DNAL4: variants seen among roughly 807,000 people sequenced by gnomAD.
The protein encoded by DNAL4 is dynein light chain, outer arm 4.
DNAL4 carries 10 observed loss-of-function variants against 12.6 expected under a neutral mutation model. The observed-to-expected ratio is 0.79, with a 90% CI of 0.49 to 1.34. The LOEUF (loss-of-function observed/expected upper bound fraction) is 1.34. DNAL4 is among the 40% of genes most tolerant of loss of function. The pLI is 0.00. For missense variants in DNAL4, 128 were observed against 138.1 expected, an observed-to-expected ratio of 0.93 and a Z score of 0.37; for synonymous variants, 46 against 53.1, an observed-to-expected ratio of 0.87 and a Z score of 0.58.
At chr22:38,789,422 T>C (rs1286848861) in intron 1 of DNAL4, among the ~76,000 whole-genome samples, 1 of 152,162 alleles carries the variant, frequency 6.6e-6, no homozygotes, top group Non-Finnish European at 1.5e-5. Context: ...ACTACAGGCT[T>C]GTGCCACCAT....
At chr22:38,787,113 C>G (rs935164155) in intron 1 of DNAL4, among the ~76,000 whole-genome samples, 1 of 152,194 alleles carries the variant, frequency 6.6e-6, no homozygotes, top group Non-Finnish European at 1.5e-5. Context: ...CAGGACACAC[C>G]TGGAGCATGT....
At chr22:38,781,403 T>C (rs773058810) in intron 2 of DNAL4, among the ~76,000 whole-genome samples, 3 of 152,180 alleles carry the variant, frequency 2.0e-5, no homozygotes, top group Non-Finnish European at 1.5e-5. Flanking sequence ...TTCCCTCTGC[T>C]CCTTCTCCAT....
chr22:38,779,139 C>T lies in DNAL4; in HGVS notation c.*310G>A, dbSNP rs979742752. On this transcript the variant is annotated 3_prime_UTR_variant, in exon 4 of 4. Coordinates refer to ENST00000216068, the MANE Select transcript of DNAL4 (RefSeq NM_005740.3). The surrounding 1 kb of genome is among the most constrained non-coding windows in gnomAD (Gnocchi z 4.3). ...GCAGCCCTGGAGAAAGGGGGACTGG[C>T]GTGTTCCTGTGCGGAAGATCTCATC... 4.3e-6 allele frequency: 1 copy of T among 231,946 alleles called. No individual in the cohort carries two copies. The allele number at this position is 231,946 out of a possible 1,614,324, so 14.4% of individuals were successfully genotyped here.
At chr22:38,787,633 A>G (rs968036883) in intron 1 of DNAL4, among the ~76,000 whole-genome samples, 3 of 152,134 alleles carry the variant, frequency 2.0e-5, no homozygotes, top group Admixed American at 6.5e-5. Flanking sequence ...TTCTTCATAG[A>G]CCAACCTGCT....
In DNAL4 at chr22:38,780,989, C is replaced by T; in HGVS notation, c.90G>A (p.Glu30=). Residue 30 remains glutamate (E), a synonymous_variant, in exon 3 of 4, where the codon GAG becomes GAA. Coordinates refer to ENST00000216068, the MANE Select transcript of DNAL4 (RefSeq NM_005740.3). ...ATAGCTCCATGGTCTCCACGCGCAT[C>T]TCCTCTGGCATGTCCGAGTGCTAGA... The part of the protein sequence containing the change: ...PLVRHSDMPE[E]MRVETMELCV... 2 of 1,614,202 alleles carry T rather than the reference C, an allele frequency of 1.2e-6. No homozygotes were observed. The highest frequency in any genetic ancestry group is 8.5e-7 in the Non-Finnish European group (1 of 1,180,032).
chr22:38,780,857 C>A (rs2093033151), intron 3 of DNAL4, 69 bp downstream of exon 3: 1 of 1,521,296 alleles, frequency 6.6e-7, no homozygotes, highest in Non-Finnish European at 9.1e-7. Context: ...CTGCAGGGAA[C>A]AGGGGCCACT....
intron 1 of DNAL4, among the ~76,000 whole-genome samples, chr22:38,788,842 T>G (rs1198025685): frequency 1.3e-5 from 2 of 152,192 alleles, no homozygotes; most frequent in Non-Finnish European, 2.9e-5. Context: ...TCACAATTGC[T>G]AATTACCAGT....
chr22:38,792,838 G>T (rs779281805), intron 1 of DNAL4, among the ~76,000 whole-genome samples: 1 of 152,172 alleles, frequency 6.6e-6, no homozygotes, highest in South Asian at 2.1e-4. Context: ...CTTATAAGTA[G>T]GAGGAGTGTA....
intron 1 of DNAL4, among the ~76,000 whole-genome samples, chr22:38,790,882 A>G (rs943960906): frequency 6.6e-6 from 1 of 152,328 alleles, no homozygotes; most frequent in African/African-American, 2.4e-5. Context: ...GAAAAAGTAC[A>G]GTTGGCCGGG....
intron 1 of DNAL4, among the ~76,000 whole-genome samples, chr22:38,787,776 T>G (rs1486848636): frequency 6.6e-6 from 1 of 152,144 alleles, no homozygotes; most frequent in Non-Finnish European, 1.5e-5. Flanking sequence ...GAGGTGGTAG[T>G]GGTGTGGCTA....
At position 38,789,065 on chromosome 22, in the gene DNAL4, T is replaced by C. The variant is rs146242941; in HGVS notation, c.-140+5003A>G. ...TATCACATCCATTCAAGACTATTTATTGAACACTGATCCTGAGCCAGGCAC... is the reference window on the plus strand; with the variant it reads ...TATCACATCCATTCAAGACTATTTACTGAACACTGATCCTGAGCCAGGCAC... On this transcript the variant is annotated intron_variant, in intron 1 of 3. Transcript: ENST00000216068. 2.4e-3 allele frequency among the ~76,000 whole-genome samples: 372 copies of C among 152,302 alleles called. 2 individuals carry two copies. Among genetic ancestry groups the C allele is most frequent in the African/African-American group, 8.7e-3 (363 of 41,552 alleles).
In DNAL4 at chr22:38,790,075, A is replaced by G. The variant is rs117126159; in HGVS notation, c.-140+3993T>C. Among the ~76,000 whole-genome samples, 226 of 151,764 alleles carry G rather than the reference A, an allele frequency of 1.5e-3. 2 individuals carry two copies. In the East Asian group the frequency reaches 0.036, roughly 24 times the overall value. The stretch of plus-strand genomic sequence containing the variant: ...TCTATGTTGCCCAGGCTGGTCTTGA[A>G]CTCCTGGACTCAAGTGATGCTCCCA... On this transcript the variant is annotated intron_variant, in intron 1 of 3. Coordinates refer to ENST00000216068, the MANE Select transcript of DNAL4 (RefSeq NM_005740.3).
Position 38,781,017 on chromosome 22 carries a change from C to A in DNAL4, c.70-8G>T. On this transcript the variant is annotated splice_region_variant and splice_polypyrimidine_tract_variant and intron_variant, in intron 2 of 3. Coordinates refer to ENST00000216068, the MANE Select transcript of DNAL4 (RefSeq NM_005740.3). The stretch of plus-strand genomic sequence containing the variant: ...CTCTGGCATGTCCGAGTGCTAGAGA[C>A]AGGGCAGGGGTAACAAACAAGAGAC... The A allele has an allele frequency of 6.2e-7, 1 of 1,613,932 alleles. No homozygotes were observed. Among genetic ancestry groups the A allele is most frequent in the Non-Finnish European group, 8.5e-7 (1 of 1,179,898 alleles).
intron 1 of DNAL4, among the ~76,000 whole-genome samples, chr22:38,789,852 C>T (rs2093047932): frequency 6.6e-6 from 1 of 152,192 alleles, no homozygotes; most frequent in Non-Finnish European, 1.5e-5. Flanking sequence ...GGAAGACCTT[C>T]CAGGCGGATG....
At position 38,779,599 on chromosome 22, in the gene DNAL4, C is replaced by G; in HGVS notation, c.168G>C (p.Met56Ile). Residue 56 changes from methionine (M) to isoleucine (I), a missense_variant, in exon 4 of 4, where the codon ATG (methionine) becomes ATC (isoleucine). Met to Ile is a conservative substitution (Grantham distance 10). Transcript: ENST00000216068. This position sits in a 1 kb window ranked among gnomAD's most constrained non-coding sequence, Gnocchi z 4.3. ...ACTTCTTGTCCATTGTCTCTTTGAT[C>G]ATCTTGGCGGCGCTCTGGAAGGAAG... ...FSNNNESAAK[M>I]IKETMDKKFG... The G allele has an allele frequency of 6.3e-7, 1 of 1,598,782 alleles. No homozygotes were observed. Among genetic ancestry groups the G allele is most frequent in the Non-Finnish European group, 8.5e-7 (1 of 1,171,762 alleles).
At chr22:38,789,328 T>C (rs2093047044) in intron 1 of DNAL4, among the ~76,000 whole-genome samples, 1 of 152,122 alleles carries the variant, frequency 6.6e-6, no homozygotes, top group African/African-American at 2.4e-5. Flanking sequence ...TGCGGTGGCA[T>C]GATCACAGCT....
At chr22:38,791,836 G>A (rs915932892) in intron 1 of DNAL4, among the ~76,000 whole-genome samples, 29 of 150,122 alleles carry the variant, frequency 1.9e-4, no homozygotes, top group Middle Eastern at 3.5e-3. Context: ...GATTACAGGC[G>A]CCTGCCACCA....
chr22:38,788,332 A>C (rs1482593291), intron 1 of DNAL4, among the ~76,000 whole-genome samples: 1 of 152,260 alleles, frequency 6.6e-6, no homozygotes, highest in African/African-American at 2.4e-5. Flanking sequence ...CTACTACAAA[A>C]GAGGAAAATT....
In DNAL4 at chr22:38,779,619, A is replaced by C. The variant is rs1348208541; in HGVS notation, c.154-6T>G. 5.0e-6 allele frequency: 8 copies of C among 1,594,030 alleles called. No homozygotes were observed. The highest frequency in any genetic ancestry group is 6.0e-6 in the Non-Finnish European group (7 of 1,169,030). Reference sequence around the variant, plus strand: ...TTGATCATCTTGGCGGCGCTCTGGAAGGAAGAGGGCACTTATCAAGGGGGC... The same window carrying C: ...TTGATCATCTTGGCGGCGCTCTGGACGGAAGAGGGCACTTATCAAGGGGGC... On this transcript the variant is annotated splice_polypyrimidine_tract_variant and splice_region_variant and intron_variant, in intron 3 of 3. Coordinates refer to ENST00000216068, the MANE Select transcript of DNAL4 (RefSeq NM_005740.3). The surrounding 1 kb of genome is among the most constrained non-coding windows in gnomAD (Gnocchi z 4.3).
Sources: gnomAD v4.1 joint callset for allele counts (sites outside exome capture counted in the v4.1 genomes callset) on GRCh38, gnomAD v4.1.1 for gene constraint, Gnocchi (gnomAD v3.1) non-coding constraint, MANE v1.5 for transcripts, NCBI Gene and HGNC (gene_info 2026-07-23, HGNC 2026-07-21) for gene names.